The following PCDHGA5 variants were observed in gnomAD, a reference collection of about 807,000 sequenced individuals.
PCDHGA5 encodes the protein protocadherin gamma-A5.
A neutral mutation model predicts 56.7 loss-of-function variants in PCDHGA5; 36 were observed. The ratio of observed to expected loss-of-function variants is 0.64; its 90% confidence interval spans 0.49 to 0.84. PCDHGA5 has a LOEUF of 0.84. Among genes scored for constraint, PCDHGA5 ranks in the 40% least tolerant of loss-of-function variants. The pLI is 0.00. For missense variants in PCDHGA5, 1,305 were observed against 1,201.5 expected (o/e 1.09, Z -1.27); for synonymous variants, 563 against 520.2 (o/e 1.08, Z -1.12).
chr5:141,385,481 G>A, intron 1 of PCDHGA5: 8 of 1,422,472 alleles, frequency 5.6e-6, no homozygotes, highest in Non-Finnish European at 6.4e-6. Context: ...CTTTAATATA[G>A]AACACATAGG....
intron 1 of PCDHGA5, chr5:141,421,286 T>G: frequency 6.2e-7 from 1 of 1,613,284 alleles, no homozygotes; most frequent in Non-Finnish European, 8.5e-7. Flanking sequence ...CTGTGCATTT[T>G]CCTGGGGACG....
At chr5:141,459,806 A>G (rs2154566682) in intron 1 of PCDHGA5, among the ~76,000 whole-genome samples, 1 of 152,342 alleles carries the variant, frequency 6.6e-6, no homozygotes, top group African/African-American at 2.4e-5. Flanking sequence ...CCTGTTGACT[A>G]GAGACACTGA....
intron 1 of PCDHGA5, chr5:141,389,520 C>T: frequency 6.2e-7 from 1 of 1,613,184 alleles, no homozygotes; most frequent in Non-Finnish European, 8.5e-7. Flanking sequence ...GAACGTGAGC[C>T]TGCGCGTGTT....
At chr5:141,412,876 A>T (rs1206092699) in intron 1 of PCDHGA5, 2 of 281,096 alleles carry the variant, frequency 7.1e-6, no homozygotes, top group Admixed American at 4.9e-5. Flanking sequence ...AAATATAATA[A>T]TCCAACAGAA....
chr5:141,375,706 T>A lies in PCDHGA5; in HGVS notation c.2421+8955T>A, dbSNP rs1771783904. 12 of 1,614,114 alleles carry A rather than the reference T, an allele frequency of 7.4e-6. No individual in the cohort carries two copies. The East Asian group carries it at 2.2e-4, about 30-fold the overall frequency. On this transcript the variant is annotated intron_variant, in intron 1 of 3. Coordinates refer to ENST00000518069, the MANE Select transcript of PCDHGA5 (RefSeq NM_018918.3). ...CAGCCAGCGACAGCGGGGACCCGCCTCTTAGCAGCAACGTGTCACTGAGCC... is the reference window on the plus strand; with the variant it reads ...CAGCCAGCGACAGCGGGGACCCGCCACTTAGCAGCAACGTGTCACTGAGCC...
intron 1 of PCDHGA5, chr5:141,389,021 A>G: frequency 6.2e-7 from 1 of 1,614,004 alleles, no homozygotes; most frequent in Non-Finnish European, 8.5e-7. Context: ...ACAATGGAGA[A>G]GTGACTTGTA....
intron 1 of PCDHGA5, chr5:141,392,651 C>A: frequency 1.4e-6 from 1 of 708,948 alleles, no homozygotes; most frequent in Non-Finnish European, 2.2e-6. Context: ...CGAAGACCCG[C>A]AGATGCCACA....
At chr5:141,465,094 GT>G (rs138941665) in intron 1 of PCDHGA5, among the ~76,000 whole-genome samples, 203 of 148,178 alleles carry the variant, frequency 1.4e-3, no homozygotes, top group Admixed American at 7.3e-3. Context: ...TTTTCTAGTA[GT>G]TTTTTTTTTA....
chr5:141,400,072 C>G (rs1469206078), intron 1 of PCDHGA5: 1 of 1,613,934 alleles, frequency 6.2e-7, no homozygotes, highest in Non-Finnish European at 8.5e-7. Context: ...TGGACAGCCG[C>G]CACTCTCCGC....
At chr5:141,404,231 A>G (rs1403622769) in intron 1 of PCDHGA5, 1 of 1,613,928 alleles carries the variant, frequency 6.2e-7, no homozygotes, top group Non-Finnish European at 8.5e-7. Context: ...TGCAACAGAC[A>G]GAGGAACTCC....
At position 141,432,851 on chromosome 5, in the gene PCDHGA5, G is replaced by T. The variant is rs561153330; in HGVS notation, c.2422-61956G>T. 8 of 1,614,198 alleles carry T rather than the reference G, an allele frequency of 5.0e-6. No homozygotes were observed. In the African/African-American group the frequency reaches 9.3e-5, roughly 19 times the overall value. ...CACTCTGTACCTGGTGGTAGCGGTG[G>T]CCGCGGTCTCCTGCGTCTTCCTGGC... On this transcript the variant is annotated intron_variant, in intron 1 of 3. Transcript: ENST00000518069. This position sits in a 1 kb window ranked among gnomAD's most constrained non-coding sequence, Gnocchi z 6.0.
At chr5:141,462,786 T>G (rs1394476968) in intron 1 of PCDHGA5, among the ~76,000 whole-genome samples, 1 of 152,216 alleles carries the variant, frequency 6.6e-6, no homozygotes, top group Admixed American at 6.5e-5. Flanking sequence ...AATTTGTTGC[T>G]TATTTGCATG....
At chr5:141,459,735 T>A (rs114520602) in intron 1 of PCDHGA5, among the ~76,000 whole-genome samples, 1 of 152,374 alleles carries the variant, frequency 6.6e-6, no homozygotes, top group Non-Finnish European at 1.5e-5. Flanking sequence ...GTCAATTTTT[T>A]AAATTTTAGC....
At chr5:141,415,116 A>T in intron 1 of PCDHGA5, 1 of 1,613,652 alleles carries the variant, frequency 6.2e-7, no homozygotes, top group Non-Finnish European at 8.5e-7. Flanking sequence ...AAAGCCTCGT[A>T]GTGGCCGTCC....
chr5:141,421,359 C>T, intron 1 of PCDHGA5: 1 of 1,614,012 alleles, frequency 6.2e-7, no homozygotes, highest in Non-Finnish European at 8.5e-7. Context: ...AAAAGGGCTC[C>T]TTCGTGGGCA....
At chr5:141,393,166 G>A in intron 1 of PCDHGA5, 2 of 1,613,244 alleles carry the variant, frequency 1.2e-6, no homozygotes, top group Non-Finnish European at 1.7e-6. Flanking sequence ...AAACTCTTTG[G>A]GGTAGAAATA....
intron 1 of PCDHGA5, chr5:141,433,267 C>T (rs1462399366): frequency 7.7e-7 from 1 of 1,305,096 alleles, no homozygotes; most frequent in Non-Finnish European, 1.1e-6. Context: ...GATCATAGCT[C>T]ACTGCAGCCT....
chr5:141,405,354 T>G lies in PCDHGA5; in HGVS notation c.2421+38603T>G, dbSNP rs781757006. The G allele has an allele frequency of 3.7e-6, 6 of 1,614,112 alleles. No homozygotes were observed. In the East Asian group the frequency reaches 1.3e-4, roughly 36 times the overall value. On this transcript the variant is annotated intron_variant, in intron 1 of 3. Coordinates refer to ENST00000518069, the MANE Select transcript of PCDHGA5 (RefSeq NM_018918.3). The stretch of plus-strand genomic sequence containing the variant: ...GTCTCTGTTGATTCCAAGTTTCCTA[T>G]AGAAGACACCCCTTTGGTTCCGGTG...
chr5:141,421,195 G>C (rs1305388921), intron 1 of PCDHGA5: 2 of 1,504,878 alleles, frequency 1.3e-6, no homozygotes, highest in Non-Finnish European at 1.8e-6. Context: ...CAACCAGCTC[G>C]AGAAACCGCG....
Sources: allele counts gnomAD v4.1 joint callset (sites outside exome capture counted in the v4.1 genomes callset), GRCh38; gene constraint gnomAD v4.1.1; non-coding constraint Gnocchi (gnomAD v3.1); transcripts MANE v1.5; gene names NCBI Gene and HGNC (gene_info 2026-07-23, HGNC 2026-07-21).